Variants in MITF observed in about 807,000 individuals in gnomAD.
MITF encodes the protein melanocyte inducing transcription factor, also known as microphthalmia-associated transcription factor.
Under a neutral mutation model 60.5 loss-of-function variants are expected in MITF, and 17 were observed. The ratio of observed to expected loss-of-function variants is 0.28; its 90% confidence interval spans 0.19 to 0.42. The LOEUF is 0.42. MITF is among the 10% of genes least tolerant of loss of function. The pLI is 1.00. For synonymous variants in MITF, 260 were observed against 248.5 expected, an observed-to-expected ratio of 1.05 and a Z score of -0.43; for missense variants, 622 against 683.5, an observed-to-expected ratio of 0.91 and a Z score of 1.00.
At chr3:69,853,421 T>C (rs1417944643) in intron 1 of MITF, among the ~76,000 whole-genome samples, 7 of 152,164 alleles carry the variant, frequency 4.6e-5, no homozygotes, top group Non-Finnish European at 1.0e-4. Flanking sequence ...ATATGGCTTA[T>C]TTTTTAACTT....
At chr3:69,782,068 C>T (rs1171256210) in intron 1 of MITF, among the ~76,000 whole-genome samples, 1 of 152,218 alleles carries the variant, frequency 6.6e-6, no homozygotes, top group Non-Finnish European at 1.5e-5. Flanking sequence ...CATTGTACAA[C>T]TGCAGAGAGC....
rs75195156 is a variant in MITF, at chr3:69,785,661, A to G, written c.104+45960A>G. Among the ~76,000 whole-genome samples, 283 of 152,328 alleles carry G rather than the reference A, an allele frequency of 1.9e-3. 4 individuals carry two copies. Among genetic ancestry groups the G allele is most frequent in the African/African-American group, 6.5e-3 (271 of 41,574 alleles). ...GTTTTTGCTTAGTAATTTAGGCTCC[A>G]TGACCTGAAGATTGTCTTTTCTTAT... is the stretch of plus-strand genomic sequence containing the variant. On this transcript the variant is annotated intron_variant, in intron 1 of 9. Transcript: ENST00000352241.
At chr3:69,959,710 G>C (rs987152787) in intron 9 of MITF, among the ~76,000 whole-genome samples, 1 of 152,194 alleles carries the variant, frequency 6.6e-6, no homozygotes, top group East Asian at 1.9e-4. Flanking sequence ...ACTGTCTGCT[G>C]TCTTGTTTCA....
At chr3:69,953,662 T>TATATATAG (rs1250294181) in intron 7 of MITF, among the ~76,000 whole-genome samples, 10 of 136,564 alleles carry the variant, frequency 7.3e-5, no homozygotes, top group African/African-American at 2.1e-4. Context: ...TATATATATA[T>TATATATAG]AGAGAGAGAG....
rs1263963179 is a variant in MITF at position 69,967,163 on chromosome 3, CT to C, written c.*1916del. ...GGACGGTTTAGGTGAAAATAATCAACTGCATAGTTCCCATGCACGCTGGGCA... is the reference window on the plus strand; with the variant it reads ...GGACGGTTTAGGTGAAAATAATCAACGCATAGTTCCCATGCACGCTGGGCA... On this transcript the variant is annotated 3_prime_UTR_variant, in exon 10 of 10. Transcript: ENST00000352241. 8.6e-6 allele frequency: 2 copies of C among 232,390 alleles called. No homozygotes were observed. Among genetic ancestry groups the C allele is most frequent in the Admixed American group, 1.1e-4 (2 of 17,720 alleles). The allele number at this position is 232,390 out of a possible 1,614,324, so 14.4% of individuals were successfully genotyped here.
rs1037125532 is a variant in MITF, at chr3:69,908,437, G to T, written c.354+29054G>T. ...ACTAATATTTTCTTTTTGTACACCA[G>T]CCCCATTTTTTAAAAAGTACTGAGT... is the stretch of plus-strand genomic sequence containing the variant. On this transcript the variant is annotated intron_variant, in intron 2 of 9. Coordinates refer to ENST00000352241, the MANE Select transcript of MITF (RefSeq NM_001354604.2). Among the ~76,000 whole-genome samples the T allele has an allele frequency of 2.0e-5, 3 of 151,990 alleles. No homozygotes were observed. The South Asian group carries it at 6.2e-4, about 32-fold the overall frequency.
At chr3:69,939,286 G>GTTTTT in intron 4 of MITF, 105 bp downstream of exon 4, 1 of 757,086 alleles carries the variant, frequency 1.3e-6, no homozygotes, top group Non-Finnish European at 2.1e-6. Flanking sequence ...TTCCCCCATT[G>GTTTTT]TTTTTTTTTT....
intron 1 of MITF, among the ~76,000 whole-genome samples, chr3:69,839,310 G>A (rs1210075483): frequency 6.6e-6 from 1 of 151,250 alleles, no homozygotes; most frequent in African/African-American, 2.4e-5. Flanking sequence ...TAAAAACACT[G>A]CTTTTCCCAC....
At chr3:69,755,228 A>G (rs539781072) in intron 1 of MITF, among the ~76,000 whole-genome samples, 120 of 152,210 alleles carry the variant, frequency 7.9e-4, no homozygotes, top group Non-Finnish European at 1.4e-3. Context: ...GGGTTACACA[A>G]TACCAAGGCT....
At chr3:69,915,739 C>T (rs1364928766) in intron 2 of MITF, among the ~76,000 whole-genome samples, 1 of 152,180 alleles carries the variant, frequency 6.6e-6, no homozygotes, top group Admixed American at 6.5e-5. Context: ...TAACACACTG[C>T]AGAATTGGTC....
chr3:69,895,814 G>C (rs1308474429), intron 2 of MITF, among the ~76,000 whole-genome samples: 1 of 140,120 alleles, frequency 7.1e-6, no homozygotes, highest in Non-Finnish European at 1.5e-5. Flanking sequence ...GTGTTTGTGT[G>C]TGTGTGTGTG....
chr3:69,772,350 G>C (rs2062406563), intron 1 of MITF, among the ~76,000 whole-genome samples: 1 of 152,196 alleles, frequency 6.6e-6, no homozygotes, highest in African/African-American at 2.4e-5. Flanking sequence ...AGGCTCAGCT[G>C]TGCCAGCCAT....
intron 2 of MITF, among the ~76,000 whole-genome samples, chr3:69,894,334 T>G (rs904757481): frequency 2.6e-5 from 4 of 152,212 alleles, no homozygotes; most frequent in African/African-American, 9.6e-5. Context: ...TTTGATTCAT[T>G]TGCTTTGGAA....
intron 2 of MITF, among the ~76,000 whole-genome samples, chr3:69,880,125 G>C (rs2064452538): frequency 6.6e-6 from 1 of 152,182 alleles, no homozygotes; most frequent in Non-Finnish European, 1.5e-5. Flanking sequence ...TAAAAGGAAA[G>C]TAGAGGAACT....
Position 69,956,805 on chromosome 3 carries a change from A to G in MITF, c.1031+275A>G, listed in dbSNP as rs192773001. On this transcript the variant is annotated intron_variant, in intron 8 of 9. Transcript: ENST00000352241. The stretch of plus-strand genomic sequence containing the variant: ...TCTGAAACCTAAGAATTCTTTGCAA[A>G]CAAATACTGAGCTTAAAAAAAATTT... Among the ~76,000 whole-genome samples, 89 of 152,288 alleles carry G rather than the reference A, an allele frequency of 5.8e-4. No homozygotes were observed. The Middle Eastern group carries it at 0.014, about 23-fold the overall frequency.
At chr3:69,781,233 G>A (rs1399145491) in intron 1 of MITF, among the ~76,000 whole-genome samples, 8 of 152,024 alleles carry the variant, frequency 5.3e-5, no homozygotes, top group Non-Finnish European at 1.2e-4. Context: ...CTTTGGGTGA[G>A]CATGTTCTTT....
At chr3:69,877,588 A>C (rs907017866) in intron 1 of MITF, among the ~76,000 whole-genome samples, 2 of 152,170 alleles carry the variant, frequency 1.3e-5, no homozygotes, top group African/African-American at 4.8e-5. Context: ...ATCATGTTAC[A>C]TTTTGATTCT....
intron 2 of MITF, among the ~76,000 whole-genome samples, chr3:69,897,306 G>A (rs893989601): frequency 1.1e-4 from 16 of 152,128 alleles, no homozygotes; most frequent in East Asian, 5.8e-4. Flanking sequence ...GAAAGTGTTG[G>A]CTCCAGAAGA....
intron 2 of MITF, among the ~76,000 whole-genome samples, chr3:69,901,711 G>A (rs945246744): frequency 1.3e-5 from 2 of 152,126 alleles, no homozygotes; most frequent in South Asian, 2.1e-4. Flanking sequence ...TTAATATGGC[G>A]AATTCTGAAA....
Sources: allele counts gnomAD v4.1 joint callset (sites outside exome capture counted in the v4.1 genomes callset), GRCh38; gene constraint gnomAD v4.1.1; transcripts MANE v1.5; gene names NCBI Gene and HGNC (gene_info 2026-07-23, HGNC 2026-07-21).